The following CCDC91 variants were observed in gnomAD, a reference collection of about 807,000 sequenced individuals.
The protein encoded by CCDC91 is coiled-coil domain containing 91.
Under a neutral mutation model 63.2 loss-of-function variants are expected in CCDC91, and 48 were observed. The ratio of observed to expected loss-of-function variants is 0.76; its 90% CI spans 0.60 to 0.97. CCDC91 has a LOEUF of 0.97. Among genes scored for constraint, CCDC91 ranks in the 50% least tolerant of loss-of-function variants. CCDC91 has a pLI of 0.00. For missense variants in CCDC91, 500 were observed against 494.6 expected, an observed-to-expected ratio of 1.01 and a Z score of -0.10; for synonymous variants, 167 against 165.8, an observed-to-expected ratio of 1.01 and a Z score of -0.06.
At chr12:28,484,637 T>C (rs1951624185) in intron 12 of CCDC91, among the ~76,000 whole-genome samples, 1 of 152,082 alleles carries the variant, frequency 6.6e-6, no homozygotes. Context: ...AATATGCTTG[T>C]AAGAATTTAG....
At chr12:28,463,992 T>C (rs1476507878) in intron 11 of CCDC91, among the ~76,000 whole-genome samples, 2 of 152,098 alleles carry the variant, frequency 1.3e-5, no homozygotes, top group East Asian at 3.9e-4. Flanking sequence ...CTTAAATCTC[T>C]GACACCACCC....
chr12:28,343,332 G>A lies in CCDC91; in HGVS notation c.577-19106G>A, dbSNP rs531164972. Among the ~76,000 whole-genome samples the A allele has an allele frequency of 5.9e-4, 90 of 151,754 alleles. 1 individual carries two copies. The highest frequency in any genetic ancestry group is 3.5e-3 in the Middle Eastern group (1 of 288). On this transcript the variant is annotated intron_variant, in intron 6 of 12. Coordinates refer to ENST00000536442, the MANE Select transcript of CCDC91 (RefSeq NM_018318.5). ...TATGTGCAAGCACACATATTCATTC[G>A]CATAGCCATATATCATATGTATATA...
chr12:28,358,549 CAA>C (rs1322805051), intron 6 of CCDC91, among the ~76,000 whole-genome samples: 1 of 152,144 alleles, frequency 6.6e-6, no homozygotes, highest in Non-Finnish European at 1.5e-5. Context: ...ATTGTATTGT[CAA>C]AGTGTGAAAT....
intron 7 of CCDC91, among the ~76,000 whole-genome samples, chr12:28,380,696 G>A (rs1040504846): frequency 6.6e-6 from 1 of 152,040 alleles, no homozygotes; most frequent in Admixed American, 6.6e-5. Flanking sequence ...TCTATCTTCA[G>A]TAATAATGCT....
chr12:28,257,030 C>T (rs976553052), intron 1 of CCDC91, 172 bp from the exon 2 acceptor site: 1 of 473,274 alleles, frequency 2.1e-6, no homozygotes, highest in African/African-American at 2.0e-5. Context: ...ACAGAAATTG[C>T]TAATTTTGCC....
intron 8 of CCDC91, among the ~76,000 whole-genome samples, chr12:28,396,654 G>A (rs937516179): frequency 4.3e-5 from 6 of 139,300 alleles, no homozygotes; most frequent in Non-Finnish European, 3.1e-5. Flanking sequence ...TTGTGTGTGT[G>A]TGTGTGTGTG....
chr12:28,442,378 T>C (rs1445114169), intron 8 of CCDC91, among the ~76,000 whole-genome samples: 2 of 152,134 alleles, frequency 1.3e-5, no homozygotes, highest in Admixed American at 6.5e-5. Flanking sequence ...GACCAGAGTT[T>C]TTGAGTCCTT....
intron 7 of CCDC91, among the ~76,000 whole-genome samples, chr12:28,363,754 G>A (rs1944062200): frequency 6.6e-6 from 1 of 151,776 alleles, no homozygotes; most frequent in Non-Finnish European, 1.5e-5. Context: ...GCGGGTGCCT[G>A]TAGTCCCAGC....
chr12:28,301,821 G>T (rs1315986589), intron 3 of CCDC91, among the ~76,000 whole-genome samples: 1 of 151,416 alleles, frequency 6.6e-6, no homozygotes, highest in Non-Finnish European at 1.5e-5. Context: ...TTTTCTAAAT[G>T]CTTTGATTTA....
intron 3 of CCDC91, among the ~76,000 whole-genome samples, chr12:28,294,306 C>T (rs959440680): frequency 3.9e-5 from 6 of 152,126 alleles, no homozygotes; most frequent in East Asian, 3.9e-4. Flanking sequence ...TCTGTGTCCC[C>T]ATCCAAATCT....
chr12:28,320,060 A>C (rs887257654), intron 6 of CCDC91, among the ~76,000 whole-genome samples: 2 of 151,900 alleles, frequency 1.3e-5, no homozygotes, highest in African/African-American at 4.8e-5. Flanking sequence ...CGCTAATACC[A>C]AGGTTTATGT....
intron 6 of CCDC91, among the ~76,000 whole-genome samples, chr12:28,320,032 A>G (rs149858782): frequency 6.3e-4 from 96 of 151,992 alleles, no homozygotes; most frequent in Non-Finnish European, 1.1e-3. Context: ...TAGACAGTAC[A>G]TGACCTCTTT....
intron 1 of CCDC91, among the ~76,000 whole-genome samples, chr12:28,229,464 A>C (rs1334016369): frequency 1.3e-5 from 2 of 152,172 alleles, no homozygotes; most frequent in African/African-American, 2.4e-5. Context: ...TACTTTAGGA[A>C]AGCCTTTGTC....
chr12:28,328,330 T>A (rs1941203646), intron 6 of CCDC91, among the ~76,000 whole-genome samples: 2 of 152,164 alleles, frequency 1.3e-5, no homozygotes, highest in Admixed American at 1.3e-4. Context: ...AAGTTTTGGA[T>A]GTCTTTTGTG....
At chr12:28,243,005 G>C (rs895073489) in intron 1 of CCDC91, among the ~76,000 whole-genome samples, 6 of 150,710 alleles carry the variant, frequency 4.0e-5, no homozygotes, top group African/African-American at 1.5e-4. Context: ...TGCCAACATT[G>C]TTTCCTGTAC....
chr12:28,366,067 A>G (rs1318961805), intron 7 of CCDC91, among the ~76,000 whole-genome samples: 1 of 152,230 alleles, frequency 6.6e-6, no homozygotes, highest in Admixed American at 6.5e-5. Context: ...TGTAATGCAT[A>G]GGAAGATAAC....
At chr12:28,394,031 C>T (rs1354588329) in intron 8 of CCDC91, among the ~76,000 whole-genome samples, 19 of 152,160 alleles carry the variant, frequency 1.2e-4, no homozygotes, top group Admixed American at 1.2e-3. Flanking sequence ...AGCTACAAAA[C>T]ATTGCTGAAA....
intron 8 of CCDC91, among the ~76,000 whole-genome samples, chr12:28,429,597 C>T (rs997794847): frequency 5.3e-5 from 8 of 152,010 alleles, no homozygotes; most frequent in African/African-American, 1.7e-4. Flanking sequence ...GGGAAGAATT[C>T]ACAAAAGAAT....
At chr12:28,362,297 T>TATATATATATATATATATA (rs1241655538) in intron 6 of CCDC91, 141 bp from the exon 7 acceptor site, 10 of 491,294 alleles carry the variant, frequency 2.0e-5, no homozygotes, top group Admixed American at 3.6e-5. Flanking sequence ...TATATATATG[T>TATATATATATATATATATA]TTTCTCTTTG....
Sources: gnomAD v4.1 joint callset for allele counts (sites outside exome capture counted in the v4.1 genomes callset) on GRCh38, gnomAD v4.1.1 for gene constraint, MANE v1.5 for transcripts, NCBI Gene and HGNC (gene_info 2026-07-23, HGNC 2026-07-21) for gene names.